PRKG1: variants seen among roughly 807,000 people sequenced by gnomAD.
The protein encoded by PRKG1 is protein kinase cGMP-dependent 1.
A neutral mutation model predicts 88.1 loss-of-function variants in PRKG1; 35 were observed. The ratio of observed to expected loss-of-function variants is 0.40; its 90% confidence interval spans 0.30 to 0.53. The LOEUF is 0.53. Among genes scored for constraint, PRKG1 ranks in the 20% least tolerant of loss-of-function variants. The probability of loss-of-function intolerance (pLI) is 0.59; values close to 1 mark genes in which losing one functional copy is unlikely to be tolerated. For missense variants in PRKG1, 540 were observed against 839.8 expected (o/e 0.64, Z 4.41); for synonymous variants, 303 against 292.5 (o/e 1.04, Z -0.37).
chr10:52,224,207 G>A (rs76972382), intron 9 of PRKG1, among the ~76,000 whole-genome samples: 1 of 151,998 alleles, frequency 6.6e-6, no homozygotes, highest in South Asian at 2.1e-4. Context: ...GCCTTCAGAG[G>A]AGACTGTTCC....
intron 5 of PRKG1, among the ~76,000 whole-genome samples, chr10:51,942,138 G>T (rs1196198806): frequency 6.6e-5 from 10 of 151,742 alleles, no homozygotes; most frequent in South Asian, 2.1e-4. Context: ...TTTAATGATT[G>T]CCATTCTAAC....
At chr10:51,051,619 A>C (rs1843562227) in intron 1 of PRKG1, among the ~76,000 whole-genome samples, 2 of 152,164 alleles carry the variant, frequency 1.3e-5, no homozygotes, top group Non-Finnish European at 2.9e-5. Context: ...ACATATGTAC[A>C]TTCAGGTTTA....
rs183903108 is a variant in PRKG1, at chr10:51,883,227, A to G, written c.699-24280A>G. Among the ~76,000 whole-genome samples the G allele has an allele frequency of 2.2e-4, 34 of 152,334 alleles. 1 individual carries two copies. The East Asian group carries it at 5.2e-3, about 23-fold the overall frequency. ...CCATTAGCTCCCCTGGATCTCAAGTACTTGGACTCTAGCTGAATTACACCA... is the reference window on the plus strand; with the variant it reads ...CCATTAGCTCCCCTGGATCTCAAGTGCTTGGACTCTAGCTGAATTACACCA... On this transcript the variant is annotated intron_variant, in intron 4 of 17. Coordinates refer to ENST00000373980, the MANE Select transcript of PRKG1 (RefSeq NM_006258.4).
chr10:51,157,067 C>T (rs530401436), intron 2 of PRKG1, among the ~76,000 whole-genome samples: 105 of 151,626 alleles, frequency 6.9e-4, no homozygotes, highest in Non-Finnish European at 1.2e-3. Flanking sequence ...TTTTTGTTTG[C>T]ACCCCGGGCA....
intron 4 of PRKG1, among the ~76,000 whole-genome samples, chr10:51,812,767 A>T (rs760294253): frequency 6.9e-4 from 105 of 151,614 alleles, no homozygotes; most frequent in Non-Finnish European, 6.0e-4. Context: ...CAAAATGATG[A>T]TTTTTTTTTC....
chr10:51,362,236 G>T (rs1842497209), intron 2 of PRKG1, among the ~76,000 whole-genome samples: 3 of 151,772 alleles, frequency 2.0e-5, no homozygotes, highest in African/African-American at 7.3e-5. Context: ...CTGGGCTCAA[G>T]GGATCCTCCA....
intron 7 of PRKG1, among the ~76,000 whole-genome samples, chr10:52,111,275 C>A (rs1363648107): frequency 1.3e-5 from 2 of 152,122 alleles, no homozygotes; most frequent in Non-Finnish European, 2.9e-5. Context: ...ATTAAACAAT[C>A]TATGTACAGC....
chr10:51,672,464 C>T (rs1840606643), intron 3 of PRKG1, among the ~76,000 whole-genome samples: 1 of 151,662 alleles, frequency 6.6e-6, no homozygotes, highest in African/African-American at 2.4e-5. Flanking sequence ...ATATTTCTGA[C>T]CATTTTTTAA....
chr10:51,659,874 A>C (rs929958275), intron 3 of PRKG1, among the ~76,000 whole-genome samples: 1 of 152,060 alleles, frequency 6.6e-6, no homozygotes, highest in Admixed American at 6.6e-5. Flanking sequence ...ATATAATGTG[A>C]ACCACGTATG....
intron 2 of PRKG1, among the ~76,000 whole-genome samples, chr10:51,457,006 AC>A (rs1839604657): frequency 6.6e-6 from 1 of 152,168 alleles, no homozygotes; most frequent in South Asian, 2.1e-4. Context: ...AACTAGTATA[AC>A]CCCTATGGAA....
chr10:51,000,583 T>C (rs2132714251), intron 1 of PRKG1, among the ~76,000 whole-genome samples: 1 of 152,346 alleles, frequency 6.6e-6, no homozygotes, highest in East Asian at 1.9e-4. Context: ...GTTTATATAA[T>C]TGGTGGCACC....
intron 1 of PRKG1, among the ~76,000 whole-genome samples, chr10:51,148,478 A>G (rs1369691125): frequency 6.6e-6 from 1 of 152,104 alleles, no homozygotes; most frequent in Non-Finnish European, 1.5e-5. Context: ...GTCTTTTTTA[A>G]TCAAAGAGAT....
intron 5 of PRKG1, among the ~76,000 whole-genome samples, chr10:51,973,732 A>G (rs935248129): frequency 1.3e-5 from 2 of 152,104 alleles, no homozygotes; most frequent in Non-Finnish European, 2.9e-5. Context: ...ACTTTTCCTT[A>G]TATCTCATAG....
intron 3 of PRKG1, among the ~76,000 whole-genome samples, chr10:51,691,214 T>C (rs1280169992): frequency 2.0e-5 from 3 of 151,538 alleles, no homozygotes; most frequent in Non-Finnish European, 4.4e-5. Flanking sequence ...TCAAGATTTT[T>C]GTTTTTGTTT....
chr10:51,148,269 T>G, intron 1 of PRKG1: 1 of 985,230 alleles, frequency 1.0e-6, no homozygotes, highest in Non-Finnish European at 1.2e-6. Context: ...CCAAGGTGAC[T>G]GTGAAAATCA....
chr10:51,851,025 C>T (rs114536928), intron 4 of PRKG1, among the ~76,000 whole-genome samples: 2,075 of 152,148 alleles, frequency 0.014, 36 homozygotes, highest in African/African-American at 0.042. Context: ...AAATGACAAA[C>T]GTGCTGGGAT....
At chr10:52,248,138 G>A (rs773600601) in intron 9 of PRKG1, among the ~76,000 whole-genome samples, 3 of 152,130 alleles carry the variant, frequency 2.0e-5, no homozygotes, top group African/African-American at 4.8e-5. Context: ...GTGGTTTTCC[G>A]CCCTGGGCGG....
intron 3 of PRKG1, among the ~76,000 whole-genome samples, chr10:51,799,023 C>T (rs568667113): frequency 6.6e-6 from 1 of 152,018 alleles, no homozygotes; most frequent in Non-Finnish European, 1.5e-5. Context: ...TCATCTACCT[C>T]TCTAGCTTCT....
chr10:51,537,767 A>C (rs961441466), intron 3 of PRKG1, among the ~76,000 whole-genome samples: 16 of 151,572 alleles, frequency 1.1e-4, no homozygotes, highest in African/African-American at 3.6e-4. Flanking sequence ...GGAGCTTTTA[A>C]AACATGCCAG....
Sources: gnomAD v4.1 joint callset for allele counts (sites outside exome capture counted in the v4.1 genomes callset) on GRCh38, gnomAD v4.1.1 for gene constraint, MANE v1.5 for transcripts, NCBI Gene and HGNC (gene_info 2026-07-23, HGNC 2026-07-21) for gene names.